ST13: variants seen among roughly 807,000 people sequenced by gnomAD.
The protein encoded by ST13 is hsc70-interacting protein.
In ST13, 23 loss-of-function variants were observed where a neutral mutation model predicts 56.7. The observed-to-expected ratio is 0.41, with a 90% CI of 0.29 to 0.57. The LOEUF is 0.57. Among genes scored for constraint, ST13 ranks in the 20% least tolerant of loss-of-function variants. The pLI is 0.36. For missense variants in ST13, 369 were observed against 459.9 expected, an observed-to-expected ratio of 0.80 and a Z score of 1.81; for synonymous variants, 132 against 142.4, an observed-to-expected ratio of 0.93 and a Z score of 0.52.
Position 40,835,432 on chromosome 22 carries a change from A to C in ST13, c.578+128T>G, listed in dbSNP as rs184264720. On this transcript the variant is annotated intron_variant, in intron 7 of 11. Transcript: ENST00000216218. ...TGTCTACAAGCTATCTCACTTCTTG[A>C]TACTAAGTACACACTAATTTGAAAA... 8 of 728,348 alleles carry C rather than the reference A, an allele frequency of 1.1e-5. No homozygotes were observed. In the East Asian group the frequency reaches 2.0e-4, roughly 18 times the overall value. 45.1% of individuals were successfully genotyped at this position (728,348 alleles called of 1,614,324 possible). A position where few individuals can be genotyped will look rare whatever the true frequency, so the allele number is the denominator to read the frequency against.
intron 1 of ST13, among the ~76,000 whole-genome samples, chr22:40,855,868 C>T (rs1233335084): frequency 6.9e-6 from 1 of 144,984 alleles, no homozygotes; most frequent in Non-Finnish European, 1.5e-5. Context: ...AGTGATAACA[C>T]TGCCAAGTAA....
chr22:40,840,610 C>A lies in ST13; in HGVS notation c.382+16G>T. ...TATTCTGACTACCATAGAAATGTAG[C>A]AAAAAGATTACTCACCATCATTTAG... On this transcript the variant is annotated intron_variant, in intron 5 of 11. Transcript: ENST00000216218. 1 of 1,604,596 alleles carries A rather than the reference C, an allele frequency of 6.2e-7. No individual in the cohort carries two copies. Among genetic ancestry groups the A allele is most frequent in the Non-Finnish European group, 8.5e-7 (1 of 1,176,816 alleles).
chr22:40,834,323 AC>A (rs2057767597), intron 7 of ST13, among the ~76,000 whole-genome samples: 1 of 151,996 alleles, frequency 6.6e-6, no homozygotes, highest in Non-Finnish European at 1.5e-5. Flanking sequence ...TTCCCAAAAA[AC>A]CTTCAAACTT....
At chr22:40,855,767 C>T (rs1976439020) in intron 1 of ST13, among the ~76,000 whole-genome samples, 1 of 152,168 alleles carries the variant, frequency 6.6e-6, no homozygotes, top group Non-Finnish European at 1.5e-5. Context: ...ACTCCTTGCA[C>T]GTAGCGAAGT....
chr22:40,852,025 GAA>G (rs1175556840), intron 1 of ST13, among the ~76,000 whole-genome samples: 1 of 152,182 alleles, frequency 6.6e-6, no homozygotes, highest in Non-Finnish European at 1.5e-5. Flanking sequence ...TTACAGGCAT[GAA>G]CCACTGCGCC....
intron 5 of ST13, among the ~76,000 whole-genome samples, chr22:40,836,750 C>A (rs1440872709): frequency 1.3e-5 from 2 of 152,092 alleles, no homozygotes; most frequent in Non-Finnish European, 2.9e-5. Flanking sequence ...CTTTACTAAT[C>A]CCTTATGTCA....
intron 5 of ST13, among the ~76,000 whole-genome samples, chr22:40,840,328 A>T (rs2145740855): frequency 1.3e-5 from 2 of 150,894 alleles, no homozygotes; most frequent in East Asian, 3.9e-4. Context: ...TCACTGTTCT[A>T]CTACTACTTT....
intron 7 of ST13, among the ~76,000 whole-genome samples, chr22:40,833,800 C>T (rs757926903): frequency 6.6e-6 from 1 of 150,554 alleles, no homozygotes; most frequent in Non-Finnish European, 1.5e-5. Flanking sequence ...GAGCCCGGGG[C>T]GGGTGCAGTG....
At chr22:40,852,038 C>T (rs529416333) in intron 1 of ST13, among the ~76,000 whole-genome samples, 2 of 152,332 alleles carry the variant, frequency 1.3e-5, no homozygotes, top group South Asian at 4.1e-4. Context: ...CCACTGCGCC[C>T]GGCCTGATTC....
rs201701527 is a variant in ST13 at position 40,850,927 on chromosome 22, C to A, written c.111-47G>T. The A allele has an allele frequency of 1.1e-5, 16 of 1,416,536 alleles. No individual in the cohort carries two copies. The African/African-American group carries it at 2.2e-4, about 19-fold the overall frequency. 87.7% of individuals were successfully genotyped at this position (1,416,536 alleles called of 1,614,324 possible). ...GATATTTGTTTAGAAAATTAAAATT[C>A]ACTGTCACGCAACGTATTTACACCT... On this transcript the variant is annotated intron_variant, in intron 1 of 11. Transcript: ENST00000216218.
intron 1 of ST13, among the ~76,000 whole-genome samples, chr22:40,855,442 A>T (rs185955293): frequency 3.5e-4 from 54 of 152,338 alleles, no homozygotes; most frequent in African/African-American, 1.2e-3. Flanking sequence ...CCCTGTCTCT[A>T]AAAGACAAAA....
chr22:40,835,364 T>C (rs1488262375), intron 7 of ST13, 196 bp downstream of exon 7: 12 of 456,088 alleles, frequency 2.6e-5, no homozygotes, highest in Non-Finnish European at 4.4e-5. Context: ...TTCTCACTTC[T>C]TCTTTTAAAT....
At chr22:40,848,765 AAAATAAAGT>A (rs2057846014) in intron 2 of ST13, among the ~76,000 whole-genome samples, 1 of 152,194 alleles carries the variant, frequency 6.6e-6, no homozygotes, top group African/African-American at 2.4e-5. Context: ...ACAACTGTTC[AAAATAAAGT>A]TTGAACATTG....
chr22:40,845,234 AT>A (rs1407813098), intron 3 of ST13, among the ~76,000 whole-genome samples: 3 of 152,172 alleles, frequency 2.0e-5, no homozygotes, highest in Non-Finnish European at 2.9e-5. Context: ...AGTTCAAATA[AT>A]TTTTTTCTAC....
chr22:40,854,648 T>G (rs2057879510), intron 1 of ST13: 1 of 152,198 alleles, frequency 6.6e-6, no homozygotes. Flanking sequence ...TCCTCACTAG[T>G]AAGAATGAAA....
At chr22:40,830,698 G>A (rs376088073) in intron 9 of ST13, 142 bp downstream of exon 9, 1 of 450,912 alleles carries the variant, frequency 2.2e-6, no homozygotes, top group African/African-American at 2.0e-5. Context: ...AGTGAAAGGA[G>A]ACTCCCCATA....
At chr22:40,852,944 A>G (rs1377255833) in intron 1 of ST13, among the ~76,000 whole-genome samples, 1 of 152,232 alleles carries the variant, frequency 6.6e-6, no homozygotes, top group African/African-American at 2.4e-5. Flanking sequence ...TATAACTTAC[A>G]GTACACTAAC....
chr22:40,855,664 T>C (rs1449196576), intron 1 of ST13, among the ~76,000 whole-genome samples: 2 of 152,246 alleles, frequency 1.3e-5, no homozygotes, highest in African/African-American at 4.8e-5. Context: ...TACTATTATA[T>C]AGTAAATATC....
In ST13 at chr22:40,856,615, CGCA is replaced by C; in HGVS notation, c.-78_-76del. The C allele has an allele frequency of 8.2e-7, 1 of 1,214,042 alleles. No individual in the cohort carries two copies. The highest frequency in any genetic ancestry group is 1.2e-5 in the South Asian group (1 of 82,418). The allele number at this position is 1,214,042 out of a possible 1,614,324, so 75.2% of individuals were successfully genotyped here. On this transcript the variant is annotated 5_prime_UTR_variant, in exon 1 of 12. Transcript: ENST00000216218. ...CCCAGGCGCTGGCTCGGCGTGACCG[CGCA>C]GAAGGGGGCGGCTGCCGCAAGACAG...
Sources: allele counts gnomAD v4.1 joint callset (sites outside exome capture counted in the v4.1 genomes callset), GRCh38; gene constraint gnomAD v4.1.1; transcripts MANE v1.5; gene names NCBI Gene and HGNC (gene_info 2026-07-23, HGNC 2026-07-21).